DNAJC21: variants seen among roughly 807,000 people sequenced by gnomAD.
DNAJC21 encodes dnaJ homolog subfamily C member 21.
A neutral mutation model predicts 72.4 loss-of-function variants in DNAJC21; 63 were observed. That is an observed-to-expected ratio of 0.87 (90% CI 0.71 to 1.07). DNAJC21 has a LOEUF of 1.07. Ranked by LOEUF, DNAJC21 falls within the 50% of genes least tolerant of loss-of-function variation. The pLI, the probability that DNAJC21 is intolerant of heterozygous loss-of-function variation, is 0.00. For synonymous variants in DNAJC21, 203 were observed against 216.7 expected (o/e 0.94, Z 0.56); for missense variants, 634 against 644.8 (o/e 0.98, Z 0.18).
intron 1 of DNAJC21, 26 bp downstream of exon 1, chr5:34,929,942 C>T: frequency 1.3e-6 from 2 of 1,533,780 alleles, no homozygotes; most frequent in Non-Finnish European, 1.8e-6. Flanking sequence ...GCAGCCCCCG[C>T]GGCCACTCGG....
intron 4 of DNAJC21, 75 bp from the exon 5 acceptor site, chr5:34,937,251 G>A (rs1580526526): frequency 6.3e-6 from 9 of 1,424,862 alleles, no homozygotes; most frequent in African/African-American, 1.4e-5. Flanking sequence ...AAGATGTTTC[G>A]CATCAGTAAT....
Position 34,936,075 on chromosome 5 carries a change from ATT to A in DNAJC21, c.316-66_316-65del, listed in dbSNP as rs201573932. The A allele has an allele frequency of 1.1e-3, 1,641 of 1,551,812 alleles. 15 individuals carry two copies. In the African/African-American group the frequency reaches 0.021, roughly 20 times the overall value. On this transcript the variant is annotated intron_variant, in intron 3 of 11. Transcript: ENST00000648817. The stretch of plus-strand genomic sequence containing the variant: ...TCAACATTAAAATTTTTCATTTTGT[ATT>A]TTAAAATCTTTTTCTGTGATCAGGC...
chr5:34,935,904 T>C (rs916659176), intron 3 of DNAJC21, 71 bp downstream of exon 3: 2 of 1,590,028 alleles, frequency 1.3e-6, no homozygotes, highest in African/African-American at 2.7e-5. Context: ...AAGAGAATTC[T>C]TAAAACTATT....
In DNAJC21 at chr5:34,935,746, GTT is replaced by G; in HGVS notation, c.230_231del (p.Phe77Ter). The G allele has an allele frequency of 6.2e-7, 1 of 1,613,964 alleles. No homozygotes were observed. On this transcript the variant is annotated frameshift_variant, in exon 3 of 12. Coordinates refer to ENST00000648817, the MANE Select transcript of DNAJC21 (RefSeq NM_001012339.3). LOFTEE classifies it high-confidence loss of function. Reference protein sequence around the residue: ...NHREALLKGGFDGEYQDDSLD... With the variant: ...NHREALLKGGXDGEYQDDSLD... ...ATAGAGAGGCCCTACTTAAAGGTGG[GTT>G]TGATGGCGAATATCAAGATGACAGC...
In DNAJC21 at chr5:34,938,999, TGAG is replaced by T; in HGVS notation, c.891_893del (p.Glu297del). The T allele has an allele frequency of 6.2e-7, 1 of 1,601,956 alleles. No individual in the cohort carries two copies. Among genetic ancestry groups the T allele is most frequent in the South Asian group, 1.1e-5 (1 of 88,994 alleles). ...AAATGGAAGAACATGAACTCAAAGA[TGAG>T]GAGGATGGTAATATTATTTTTATTT... On this transcript the variant is annotated inframe_deletion, in exon 6 of 12. Transcript: ENST00000648817.
chr5:34,933,975 T>G (rs779488854), intron 2 of DNAJC21, 67 bp downstream of exon 2: 168 of 1,441,504 alleles, frequency 1.2e-4, no homozygotes, highest in African/African-American at 3.4e-4. Context: ...TATAGGTGGT[T>G]GTTTTTTCAA....
chr5:34,939,314 G>A (rs910952482), intron 6 of DNAJC21, among the ~76,000 whole-genome samples: 2 of 151,496 alleles, frequency 1.3e-5, no homozygotes, highest in African/African-American at 4.9e-5. Context: ...GCCGGACTGC[G>A]GACTGCAGTG....
chr5:34,953,984 G>A lies in DNAJC21; in HGVS notation c.1417G>A (p.Ala473Thr). 1 of 1,611,700 alleles carries A rather than the reference G, an allele frequency of 6.2e-7. No individual in the cohort carries two copies. Among genetic ancestry groups the A allele is most frequent in the Non-Finnish European group, 8.5e-7 (1 of 1,179,174 alleles). ...TATGAAAAAACCTGTCAGAGTACCT[G>A]CTGAACCACAAACAATGGTAGGTCA... ...KDMKKPVRVP[A>T]EPQTMSVLIS... Residue 473 changes from alanine (A) to threonine (T), a missense_variant, in exon 11 of 12, where the codon GCT becomes ACT. Ala to Thr is a moderately conservative substitution (Grantham distance 58). Coordinates refer to ENST00000648817, the MANE Select transcript of DNAJC21 (RefSeq NM_001012339.3).
At chr5:34,939,964 G>C (rs1764934250) in intron 6 of DNAJC21, among the ~76,000 whole-genome samples, 1 of 152,178 alleles carries the variant, frequency 6.6e-6, no homozygotes, top group African/African-American at 2.4e-5. Context: ...TGAATCAGAA[G>C]TAATACTTTT....
chr5:34,931,350 T>A (rs529226809), intron 1 of DNAJC21, among the ~76,000 whole-genome samples: 1 of 152,322 alleles, frequency 6.6e-6, no homozygotes, highest in South Asian at 2.1e-4. Flanking sequence ...GTAAAAATAG[T>A]GTAGAAGTAT....
chr5:34,944,760 T>G (rs886381510), intron 7 of DNAJC21, 107 bp from the exon 8 acceptor site: 40 of 1,443,844 alleles, frequency 2.8e-5, no homozygotes, highest in Non-Finnish European at 3.7e-5. Flanking sequence ...AACGTTTTGC[T>G]TAGTGGGAAA....
intron 9 of DNAJC21, among the ~76,000 whole-genome samples, chr5:34,948,200 G>C (rs1210940789): frequency 6.6e-6 from 1 of 152,188 alleles, no homozygotes; most frequent in East Asian, 1.9e-4. Flanking sequence ...ATGATTTAAA[G>C]AAAGTAAGTG....
rs1765528373 is a variant in DNAJC21, at chr5:34,956,072, A to AG, written c.*1358_*1359insG. The AG allele has an allele frequency of 6.6e-6, 1 of 152,002 alleles. No individual in the cohort carries two copies. The highest frequency in any genetic ancestry group is 1.5e-5 in the Non-Finnish European group (1 of 68,072). 9.4% of individuals were successfully genotyped at this position (152,002 alleles called of 1,614,324 possible). On this transcript the variant is annotated 3_prime_UTR_variant, in exon 12 of 12. Transcript: ENST00000648817. Reference sequence around the variant, plus strand: ...CGTCTCAAAAAAAAAAAAAAAAAAAAAAAGAAAGTAATTTTAAACTCACTG... The same window carrying AG: ...CGTCTCAAAAAAAAAAAAAAAAAAAAGAAAGAAAGTAATTTTAAACTCACTG...
At chr5:34,948,765 T>G (rs2112087890) in intron 9 of DNAJC21, among the ~76,000 whole-genome samples, 1 of 151,980 alleles carries the variant, frequency 6.6e-6, no homozygotes, top group East Asian at 1.9e-4. Flanking sequence ...CTCAGGAGCC[T>G]GAGGCAGGAG....
intron 9 of DNAJC21, among the ~76,000 whole-genome samples, 156 bp from the exon 10 acceptor site, chr5:34,950,014 T>A (rs1002632872): frequency 6.6e-5 from 10 of 152,246 alleles, no homozygotes; most frequent in Admixed American, 2.6e-4. Flanking sequence ...CAGATTTCCC[T>A]TAATTTACTA....
chr5:34,953,230 T>G (rs1177016895), intron 10 of DNAJC21, among the ~76,000 whole-genome samples: 1 of 151,984 alleles, frequency 6.6e-6, no homozygotes, highest in Non-Finnish European at 1.5e-5. Context: ...TTGAAGATGG[T>G]TTGCTCCTTT....
chr5:34,941,329 C>G, intron 7 of DNAJC21, 146 bp downstream of exon 7: 1 of 711,372 alleles, frequency 1.4e-6, no homozygotes, highest in Non-Finnish European at 2.4e-6. Flanking sequence ...TCCCAAGTAG[C>G]TAGGGCTACA....
intron 9 of DNAJC21, 126 bp from the exon 10 acceptor site, chr5:34,950,044 T>C: frequency 1.9e-6 from 2 of 1,073,276 alleles, no homozygotes; most frequent in South Asian, 2.1e-5. Context: ...TGAGCATCCA[T>C]GTTCTTAACT....
chr5:34,942,482 C>G (rs1580532574), intron 7 of DNAJC21, among the ~76,000 whole-genome samples: 1 of 151,950 alleles, frequency 6.6e-6, no homozygotes, highest in East Asian at 1.9e-4. Context: ...GGAGAAATGA[C>G]AGAGTACTAG....
Sources: allele counts gnomAD v4.1 joint callset (sites outside exome capture counted in the v4.1 genomes callset), GRCh38; gene constraint gnomAD v4.1.1; transcripts MANE v1.5; gene names NCBI Gene and HGNC (gene_info 2026-07-23, HGNC 2026-07-21).